ELMO1: variants seen among roughly 807,000 people sequenced by gnomAD.
ELMO1 encodes the protein engulfment and cell motility protein 1.
ELMO1 carries 26 observed loss-of-function variants against 98.9 expected under a neutral mutation model. That is an observed-to-expected ratio of 0.26 (90% CI 0.19 to 0.36). The LOEUF (loss-of-function observed/expected upper bound fraction) is 0.36, where lower values mean the gene tolerates loss of function less well. Ranked by LOEUF, ELMO1 falls within the 10% of genes least tolerant of loss-of-function variation. The pLI is 1.00. For synonymous variants in ELMO1, 346 were observed against 346.0 expected (o/e 1.00, Z 0.00); for missense variants, 627 against 935.2 (o/e 0.67, Z 4.30).
chr7:37,342,917 G>GTAC lies in ELMO1; in HGVS notation c.-73-157_-73-155dup. 1 of 467,808 alleles carries GTAC rather than the reference G, an allele frequency of 2.1e-6. No individual in the cohort carries two copies. Among genetic ancestry groups the GTAC allele is most frequent in the Non-Finnish European group, 3.8e-6 (1 of 264,230 alleles). 29.0% of individuals were successfully genotyped at this position (467,808 alleles called of 1,614,324 possible). A position where few individuals can be genotyped will look rare whatever the true frequency, so the allele number is the denominator to read the frequency against. ...TGAAGGTGCAGGGGCACAGCCAACG[G>GTAC]TACAATGGGCTCCTGAGGAAAGAAG... is the stretch of plus-strand genomic sequence containing the variant. On this transcript the variant is annotated intron_variant, in intron 1 of 21. Transcript: ENST00000310758. This position sits in a 1 kb window ranked among gnomAD's most constrained non-coding sequence, Gnocchi z 4.3.
At chr7:37,427,842 G>A (rs958682066) in intron 1 of ELMO1, among the ~76,000 whole-genome samples, 5 of 152,182 alleles carry the variant, frequency 3.3e-5, no homozygotes, top group African/African-American at 4.8e-5. Flanking sequence ...CCATCCCCAG[G>A]AAAATCCTGC....
At chr7:37,255,789 T>TGACATATCAATGGCTGA (rs11271123) in intron 6 of ELMO1, among the ~76,000 whole-genome samples, 1 of 151,882 alleles carries the variant, frequency 6.6e-6, no homozygotes, top group African/African-American at 2.4e-5. Context: ...GCATTGTCCT[T>TGACATATCAATGGCTGA]GACTTAGCTT....
chr7:37,103,342 A>G (rs1329921668), intron 14 of ELMO1, among the ~76,000 whole-genome samples: 1 of 152,194 alleles, frequency 6.6e-6, no homozygotes, highest in Non-Finnish European at 1.5e-5. Context: ...TTTCTGACTT[A>G]CATGGGTTTC....
chr7:37,132,173 G>C (rs566005942), intron 14 of ELMO1, among the ~76,000 whole-genome samples: 2 of 152,196 alleles, frequency 1.3e-5, no homozygotes, highest in African/African-American at 4.8e-5. Flanking sequence ...GATGATGATA[G>C]TGCCAGGCTC....
intron 4 of ELMO1, among the ~76,000 whole-genome samples, chr7:37,282,299 C>G (rs192677516): frequency 6.6e-6 from 1 of 152,326 alleles, no homozygotes; most frequent in African/African-American, 2.4e-5. Context: ...CTCACTCCCT[C>G]TCCATCCTTG....
chr7:37,079,829 A>C (rs1258657893), intron 15 of ELMO1, among the ~76,000 whole-genome samples: 1 of 152,176 alleles, frequency 6.6e-6, no homozygotes, highest in African/African-American at 2.4e-5. Context: ...TGCTCTAGGC[A>C]TCAATTCTAG....
chr7:36,976,359 C>T (rs78160106), intron 16 of ELMO1, among the ~76,000 whole-genome samples: 2,876 of 152,290 alleles, frequency 0.019, 90 homozygotes, highest in African/African-American at 0.066. Context: ...AACAAAAACA[C>T]GTACATACAC....
chr7:36,961,479 C>T (rs937601706), intron 16 of ELMO1, among the ~76,000 whole-genome samples: 2 of 152,136 alleles, frequency 1.3e-5, no homozygotes, highest in African/African-American at 2.4e-5. Flanking sequence ...ATGAAAATTA[C>T]AGAGTTTTAA....
chr7:37,372,131 T>TA (rs200229069), intron 1 of ELMO1, among the ~76,000 whole-genome samples: 45 of 146,784 alleles, frequency 3.1e-4, no homozygotes, highest in East Asian at 7.9e-4. Flanking sequence ...CAGTTTCAGT[T>TA]AAAAAAAAAA....
intron 18 of ELMO1, among the ~76,000 whole-genome samples, chr7:36,886,745 A>T (rs531922076): frequency 5.9e-5 from 9 of 152,364 alleles, no homozygotes; most frequent in African/African-American, 2.2e-4. Context: ...TGTCCAGGAA[A>T]GAAACAGCTA....
At chr7:36,969,387 G>T (rs1789720857) in intron 16 of ELMO1, among the ~76,000 whole-genome samples, 1 of 152,016 alleles carries the variant, frequency 6.6e-6, no homozygotes, top group Admixed American at 6.6e-5. Context: ...TGCATTTCTA[G>T]CTTTTTCTCA....
chr7:37,005,628 G>T (rs1793032988), intron 16 of ELMO1, among the ~76,000 whole-genome samples: 1 of 146,256 alleles, frequency 6.8e-6, no homozygotes, highest in African/African-American at 2.5e-5. Context: ...GGATGCAGAG[G>T]TTGCAGTGAG....
At chr7:37,001,994 G>A (rs1383503300) in intron 16 of ELMO1, 1 of 152,222 alleles carries the variant, frequency 6.6e-6, no homozygotes, top group Non-Finnish European at 1.5e-5. Flanking sequence ...AACAGTTGCT[G>A]TCTTAGTCAG....
intron 16 of ELMO1, among the ~76,000 whole-genome samples, chr7:36,980,562 T>C (rs917327281): frequency 1.6e-4 from 25 of 152,230 alleles, no homozygotes; most frequent in Admixed American, 1.2e-3. Flanking sequence ...CTTTAAAGCA[T>C]TGGATTCTAG....
intron 8 of ELMO1, among the ~76,000 whole-genome samples, chr7:37,225,966 CCT>C (rs777742202): frequency 6.6e-5 from 10 of 152,148 alleles, no homozygotes; most frequent in Admixed American, 2.0e-4. Context: ...CTGCTTCCCC[CCT>C]GTCAACACTA....
intron 17 of ELMO1, among the ~76,000 whole-genome samples, chr7:36,889,645 G>A (rs1805380377): frequency 6.6e-6 from 1 of 152,222 alleles, no homozygotes; most frequent in Admixed American, 6.5e-5. Context: ...CAGTGATGAA[G>A]ACCAAGAGAA....
chr7:37,157,431 CA>C (rs756052284), intron 13 of ELMO1, among the ~76,000 whole-genome samples: 52 of 152,136 alleles, frequency 3.4e-4, no homozygotes, highest in African/African-American at 9.2e-4. Context: ...CGTATCAGCC[CA>C]AAAATCTCCT....
chr7:37,006,929 A>G (rs1304696376), intron 16 of ELMO1, among the ~76,000 whole-genome samples: 1 of 152,312 alleles, frequency 6.6e-6, no homozygotes, highest in East Asian at 1.9e-4. Context: ...AGTATAATTG[A>G]CACTGGTAAG....
intron 13 of ELMO1, among the ~76,000 whole-genome samples, chr7:37,182,582 C>T (rs778544170): frequency 1.8e-4 from 27 of 151,410 alleles, no homozygotes; most frequent in Admixed American, 6.6e-4. Context: ...TCTCTCCCTC[C>T]CCCTCCTCTC....
Sources: gnomAD v4.1 joint callset for allele counts (sites outside exome capture counted in the v4.1 genomes callset) on GRCh38, gnomAD v4.1.1 for gene constraint, Gnocchi (gnomAD v3.1) non-coding constraint, MANE v1.5 for transcripts, NCBI Gene and HGNC (gene_info 2026-07-23, HGNC 2026-07-21) for gene names.